FGGY: variants seen among roughly 807,000 people sequenced by gnomAD.
FGGY encodes FGGY carbohydrate kinase domain containing, also known as FGGY carbohydrate kinase domain-containing protein.
Under a neutral mutation model 71.3 loss-of-function variants are expected in FGGY, and 72 were observed. That is an observed-to-expected ratio of 1.01 (90% CI 0.84 to 1.23). The LOEUF is 1.23. FGGY is among the 50% of genes most tolerant of loss of function. FGGY has a pLI of 0.00. For missense variants in FGGY, 668 were observed against 682.3 expected (o/e 0.98, Z 0.23); for synonymous variants, 251 against 250.3 (o/e 1.00, Z -0.02).
chr1:59,427,237 C>T (rs1170818147), intron 5 of FGGY, among the ~76,000 whole-genome samples: 2 of 152,182 alleles, frequency 1.3e-5, no homozygotes, highest in South Asian at 2.1e-4. Flanking sequence ...GAAGAGAAGG[C>T]GCCTCCCTGT....
rs142038474 is a variant in FGGY, at chr1:59,748,499, G to C, written c.1513-9432G>C. Among the ~76,000 whole-genome samples, 1,245 of 152,266 alleles carry C rather than the reference G, an allele frequency of 8.2e-3. 17 individuals are homozygous for C. Among genetic ancestry groups the C allele is most frequent in the African/African-American group, 0.028 (1,180 of 41,562 alleles). ...TCAGAAAGGCCTTAGGCAGGAGGAA[G>C]GTTGGCATGTTCAGCCAGCAGCAAG... On this transcript the variant is annotated intron_variant, in intron 14 of 15. Transcript: ENST00000303721.
At chr1:59,363,543 G>A (rs1017366479) in intron 4 of FGGY, among the ~76,000 whole-genome samples, 8 of 152,186 alleles carry the variant, frequency 5.3e-5, no homozygotes, top group Non-Finnish European at 1.0e-4. Context: ...AGGCCACATA[G>A]CTACAGAGTA....
At chr1:59,678,703 A>G (rs770838230) in intron 14 of FGGY, among the ~76,000 whole-genome samples, 9 of 152,204 alleles carry the variant, frequency 5.9e-5, no homozygotes, top group Non-Finnish European at 1.0e-4. Context: ...ATTCAAGTCT[A>G]TTTAGACAAA....
intron 8 of FGGY, among the ~76,000 whole-genome samples, chr1:59,581,986 G>C (rs2096203124): frequency 6.7e-6 from 1 of 149,846 alleles, no homozygotes; most frequent in Admixed American, 6.6e-5. Flanking sequence ...CCCAAAAGGA[G>C]CTTTAAAGAT....
intron 10 of FGGY, among the ~76,000 whole-genome samples, chr1:59,631,167 C>G (rs902477811): frequency 1.3e-5 from 2 of 152,122 alleles, no homozygotes; most frequent in African/African-American, 4.8e-5. Context: ...TGTCTGTTTT[C>G]TCCCTATATC....
chr1:59,305,768 A>G (rs2043348149), intron 1 of FGGY, among the ~76,000 whole-genome samples: 1 of 152,186 alleles, frequency 6.6e-6, no homozygotes, highest in South Asian at 2.1e-4. Flanking sequence ...TGTTCTCTCT[A>G]ATCCTTTTTG....
At chr1:59,630,527 CTACT>C (rs1254893880) in intron 10 of FGGY, among the ~76,000 whole-genome samples, 1 of 152,130 alleles carries the variant, frequency 6.6e-6, no homozygotes, top group African/African-American at 2.4e-5. Flanking sequence ...TAATGATACC[CTACT>C]TACTTCATTT....
intron 3 of FGGY, among the ~76,000 whole-genome samples, chr1:59,345,268 G>C (rs1255245448): frequency 6.6e-6 from 1 of 152,162 alleles, no homozygotes; most frequent in Non-Finnish European, 1.5e-5. Flanking sequence ...TACCTGGTTT[G>C]GTAACTGCTG....
chr1:59,711,694 A>T (rs1249599805), intron 14 of FGGY, among the ~76,000 whole-genome samples: 1 of 152,230 alleles, frequency 6.6e-6, no homozygotes, highest in African/African-American at 2.4e-5. Flanking sequence ...GCAAGCAAAG[A>T]TAGAGCTTGT....
At chr1:59,665,695 A>G (rs1164687670) in intron 12 of FGGY, among the ~76,000 whole-genome samples, 2 of 148,636 alleles carry the variant, frequency 1.3e-5, no homozygotes, top group African/African-American at 5.0e-5. Flanking sequence ...TTTTTTTGAG[A>G]TGGAGTGTTG....
intron 5 of FGGY, among the ~76,000 whole-genome samples, chr1:59,398,119 C>A (rs920866535): frequency 3.3e-5 from 5 of 152,182 alleles, no homozygotes; most frequent in Admixed American, 3.3e-4. Context: ...GAGGCCTCAA[C>A]TTACATGATG....
chr1:59,620,161 T>G (rs1162520692), intron 9 of FGGY, among the ~76,000 whole-genome samples: 1 of 152,000 alleles, frequency 6.6e-6, no homozygotes, highest in East Asian at 1.9e-4. Flanking sequence ...TCCATTATCT[T>G]CCTTCATCTT....
intron 11 of FGGY, among the ~76,000 whole-genome samples, chr1:59,654,974 C>CA (rs1558694256): frequency 6.6e-6 from 1 of 152,124 alleles, no homozygotes; most frequent in Non-Finnish European, 1.5e-5. Context: ...AGAGTCCCCC[C>CA]ACTCTGTGTC....
chr1:59,565,445 C>T (rs1271848971), intron 8 of FGGY, among the ~76,000 whole-genome samples: 7 of 152,100 alleles, frequency 4.6e-5, no homozygotes, highest in African/African-American at 9.7e-5. Flanking sequence ...CCACCATGCC[C>T]GGCTAATTTT....
At chr1:59,387,402 AATTTGC>A (rs1233907416) in intron 5 of FGGY, among the ~76,000 whole-genome samples, 1 of 152,014 alleles carries the variant, frequency 6.6e-6, no homozygotes, top group Admixed American at 6.6e-5. Flanking sequence ...ATCTTATTTT[AATTTGC>A]ATTTTTGATT....
intron 11 of FGGY, among the ~76,000 whole-genome samples, chr1:59,650,535 C>T (rs1317257155): frequency 1.0e-5 from 1 of 99,306 alleles, no homozygotes; most frequent in Admixed American, 1.2e-4. Flanking sequence ...AGTATATTTG[C>T]ATAGAGGTGT....
intron 5 of FGGY, among the ~76,000 whole-genome samples, chr1:59,447,204 T>G (rs1299948086): frequency 1.3e-5 from 2 of 152,188 alleles, no homozygotes; most frequent in Non-Finnish European, 2.9e-5. Flanking sequence ...TATAGTAGCT[T>G]TACTTATATT....
chr1:59,598,682 G>T (rs1180317829), intron 8 of FGGY, among the ~76,000 whole-genome samples: 6 of 152,186 alleles, frequency 3.9e-5, no homozygotes, highest in Non-Finnish European at 8.8e-5. Flanking sequence ...AACTCTATGA[G>T]AACACTCTTA....
At chr1:59,722,240 T>A (rs2097903627) in intron 14 of FGGY, among the ~76,000 whole-genome samples, 1 of 152,094 alleles carries the variant, frequency 6.6e-6, no homozygotes, top group South Asian at 2.1e-4. Context: ...ACCATTCTCA[T>A]CATATCATAT....
Sources: allele counts gnomAD v4.1 joint callset (sites outside exome capture counted in the v4.1 genomes callset), GRCh38; gene constraint gnomAD v4.1.1; transcripts MANE v1.5; gene names NCBI Gene and HGNC (gene_info 2026-07-23, HGNC 2026-07-21).